ARHGEF3: variants seen among roughly 807,000 people sequenced by gnomAD.
ARHGEF3 encodes the protein Rho guanine nucleotide exchange factor 3, also known as 59.8 kDA protein.
ARHGEF3 carries 28 observed loss-of-function variants against 63.2 expected under a neutral mutation model. That is an observed-to-expected ratio of 0.44 (90% CI 0.33 to 0.61). ARHGEF3 has a LOEUF of 0.61. Among genes scored for constraint, ARHGEF3 ranks in the 20% least tolerant of loss-of-function variants. The probability of loss-of-function intolerance (pLI) is 0.03; values close to 1 mark genes in which losing one functional copy is unlikely to be tolerated. For synonymous variants in ARHGEF3, 266 were observed against 254.2 expected (o/e 1.05, Z -0.44); for missense variants, 533 against 659.3 (o/e 0.81, Z 2.10).
At chr3:57,023,941 C>G (rs1703364429) in intron 2 of ARHGEF3, among the ~76,000 whole-genome samples, 1 of 152,196 alleles carries the variant, frequency 6.6e-6, no homozygotes, top group African/African-American at 2.4e-5. Flanking sequence ...CAGAACAACG[C>G]CCCCGGCACT....
chr3:56,996,628 G>C (rs1701996548), intron 2 of ARHGEF3, among the ~76,000 whole-genome samples: 1 of 152,172 alleles, frequency 6.6e-6, no homozygotes, highest in Non-Finnish European at 1.5e-5. Flanking sequence ...TCAGCCTCCA[G>C]AACTGTGAGA....
chr3:56,895,465 TTTA>T (rs1197497766), intron 3 of ARHGEF3, among the ~76,000 whole-genome samples: 3 of 89,108 alleles, frequency 3.4e-5, no homozygotes, highest in Non-Finnish European at 6.7e-5. Flanking sequence ...TATTTATTTA[TTTA>T]TTTATTTTTT....
At chr3:56,758,472 A>G (rs970335107) in intron 2 of ARHGEF3, among the ~76,000 whole-genome samples, 1 of 152,012 alleles carries the variant, frequency 6.6e-6, no homozygotes, top group Non-Finnish European at 1.5e-5. Flanking sequence ...AGAATAAATG[A>G]AAAATGTAAA....
At chr3:57,059,000 G>C (rs1290438532) in intron 1 of ARHGEF3, among the ~76,000 whole-genome samples, 1 of 119,018 alleles carries the variant, frequency 8.4e-6, no homozygotes, top group Non-Finnish European at 1.7e-5. Context: ...TGTGGGGTGG[G>C]GGGAGGGGGG....
chr3:56,887,793 A>G (rs1486580155), intron 3 of ARHGEF3, among the ~76,000 whole-genome samples: 1 of 152,244 alleles, frequency 6.6e-6, no homozygotes, highest in Non-Finnish European at 1.5e-5. Flanking sequence ...GGTGAGCCCA[A>G]TAATTGTGCT....
intron 1 of ARHGEF3, among the ~76,000 whole-genome samples, chr3:57,071,949 A>G (rs1705929500): frequency 1.3e-5 from 2 of 152,242 alleles, no homozygotes; most frequent in Admixed American, 1.3e-4. Context: ...CCAATTTAAA[A>G]ATAGATAAAA....
At chr3:56,913,958 T>C (rs2041921185) in intron 3 of ARHGEF3, among the ~76,000 whole-genome samples, 1 of 152,222 alleles carries the variant, frequency 6.6e-6, no homozygotes. Context: ...TAAAAAGGAA[T>C]GAATTAACGG....
intron 1 of ARHGEF3, among the ~76,000 whole-genome samples, chr3:57,067,175 G>C (rs1468215410): frequency 6.6e-6 from 1 of 152,194 alleles, no homozygotes; most frequent in Non-Finnish European, 1.5e-5. Context: ...TTGTCGGCCA[G>C]GCGCGGTGGC....
chr3:56,923,783 T>C (rs942646037), intron 3 of ARHGEF3, among the ~76,000 whole-genome samples: 3 of 152,250 alleles, frequency 2.0e-5, no homozygotes, highest in South Asian at 4.1e-4. Flanking sequence ...GGTGTGTTCA[T>C]GTGTACATGA....
intron 1 of ARHGEF3, among the ~76,000 whole-genome samples, chr3:56,780,327 T>C (rs1034961323): frequency 6.6e-6 from 1 of 152,254 alleles, no homozygotes. Context: ...AATATGAGCA[T>C]ACTCTTTTTC....
chr3:56,802,195 C>G (rs1013864019), upstream of ARHGEF3, among the ~76,000 whole-genome samples: 1 of 152,188 alleles, frequency 6.6e-6, no homozygotes, highest in African/African-American at 2.4e-5. Flanking sequence ...GCAGGCAGAC[C>G]CCATGATAGC....
At chr3:56,935,757 G>GT (rs1258107981) in intron 3 of ARHGEF3, among the ~76,000 whole-genome samples, 1 of 152,176 alleles carries the variant, frequency 6.6e-6, no homozygotes, top group Non-Finnish European at 1.5e-5. Flanking sequence ...CTTAAGAGCT[G>GT]TAACACTCAC....
intron 7 of ARHGEF3, among the ~76,000 whole-genome samples, chr3:56,741,161 AATCTT>A: frequency 6.7e-6 from 1 of 149,840 alleles, no homozygotes; most frequent in Admixed American, 6.7e-5. Flanking sequence ...ATATCATGAG[AATCTT>A]ATCTCTCTGC....
At chr3:56,888,962 T>C (rs1391711257) in intron 3 of ARHGEF3, among the ~76,000 whole-genome samples, 1 of 152,048 alleles carries the variant, frequency 6.6e-6, no homozygotes, top group Non-Finnish European at 1.5e-5. Flanking sequence ...CTTTGCTAAT[T>C]TGCAATAGAG....
At chr3:56,942,594 T>G (rs1400177476) in intron 3 of ARHGEF3, among the ~76,000 whole-genome samples, 1 of 152,152 alleles carries the variant, frequency 6.6e-6, no homozygotes, top group Admixed American at 6.5e-5. Context: ...GAATGGTCTC[T>G]AAGTGTTAAA....
chr3:56,857,575 A>T (rs1180299465), intron 4 of ARHGEF3, among the ~76,000 whole-genome samples: 1 of 152,018 alleles, frequency 6.6e-6, no homozygotes, highest in Admixed American at 6.6e-5. Flanking sequence ...TCAGGGATTG[A>T]CCTAACTCTG....
At chr3:56,908,815 C>T (rs2041774312) in intron 3 of ARHGEF3, among the ~76,000 whole-genome samples, 1 of 152,034 alleles carries the variant, frequency 6.6e-6, no homozygotes, top group East Asian at 1.9e-4. Context: ...TCTGAAAGAC[C>T]TTAAAACAGA....
Position 57,042,691 on chromosome 3 carries a change from TATA to T in ARHGEF3, c.-27-7518_-27-7516del, listed in dbSNP as rs1322856388. Among the ~76,000 whole-genome samples the T allele has an allele frequency of 3.1e-3, 83 of 26,728 alleles. 6 individuals carry two copies. Among genetic ancestry groups the T allele is most frequent in the South Asian group, 7.1e-3 (5 of 706 alleles). The allele number at this position is 26,728 out of a possible 152,430, so 17.5% of individuals were successfully genotyped here. ...ATATATATATATATATATATATATA[TATA>T]TATATATTTTTTTTTTTTTTTAGAC... On this transcript the variant is annotated intron_variant, in intron 1 of 12. Coordinates refer to the ARHGEF3 transcript ENST00000338458.
intron 1 of ARHGEF3, among the ~76,000 whole-genome samples, chr3:56,778,526 G>C (rs1211792881): frequency 6.6e-6 from 1 of 152,172 alleles, no homozygotes; most frequent in Admixed American, 6.5e-5. Context: ...AAATTTCATA[G>C]TTTTCATGTC....
Sources: gnomAD v4.1 joint callset for allele counts (sites outside exome capture counted in the v4.1 genomes callset) on GRCh38, gnomAD v4.1.1 for gene constraint, MANE v1.5 for transcripts, NCBI Gene and HGNC (gene_info 2026-07-23, HGNC 2026-07-21) for gene names.